TSHZ1: variants seen among roughly 807,000 people sequenced by gnomAD.
The protein encoded by TSHZ1 is teashirt zinc finger homeobox 1, also known as teashirt homolog 1.
Under a neutral mutation model 67.1 loss-of-function variants are expected in TSHZ1, and 12 were observed. The observed-to-expected ratio is 0.18, with a 90% CI of 0.11 to 0.29. The LOEUF (loss-of-function observed/expected upper bound fraction) is 0.29, where lower values mean the gene tolerates loss of function less well. Among genes scored for constraint, TSHZ1 ranks in the 10% least tolerant of loss-of-function variants. TSHZ1 has a pLI of 1.00. For synonymous variants in TSHZ1, 632 were observed against 622.4 expected (o/e 1.02, Z -0.23); for missense variants, 1,305 against 1,413.9 (o/e 0.92, Z 1.23).
intron 1 of TSHZ1, 24 bp downstream of exon 1, chr18:75,211,940 G>A (rs1364785658): frequency 7.5e-6 from 9 of 1,202,232 alleles, no homozygotes; most frequent in Non-Finnish European, 9.3e-6. Context: ...GGCCCGCGCC[G>A]CGGGGAGTGG....
At chr18:75,251,155 GA>G (rs1365965604) in intron 1 of TSHZ1, among the ~76,000 whole-genome samples, 1 of 152,086 alleles carries the variant, frequency 6.6e-6, no homozygotes, top group Non-Finnish European at 1.5e-5. Context: ...TTTTTAGTTT[GA>G]AATAAAATTA....
intron 1 of TSHZ1, among the ~76,000 whole-genome samples, chr18:75,240,365 C>T (rs62089812): frequency 6.7e-6 from 1 of 149,376 alleles, no homozygotes; most frequent in Non-Finnish European, 1.5e-5. Flanking sequence ...AGGCATTGCT[C>T]CTTTTTTTTT....
chr18:75,252,619 T>C (rs941725714), intron 1 of TSHZ1, among the ~76,000 whole-genome samples: 2 of 152,238 alleles, frequency 1.3e-5, no homozygotes, highest in East Asian at 3.8e-4. Flanking sequence ...TGGTATATGG[T>C]GTGGGAAGGG....
At chr18:75,225,303 A>G (rs1416209602) in intron 1 of TSHZ1, among the ~76,000 whole-genome samples, 1 of 152,238 alleles carries the variant, frequency 6.6e-6, no homozygotes, top group Non-Finnish European at 1.5e-5. Context: ...GAAAAATTAA[A>G]TATTTTGAAT....
chr18:75,264,113 A>G (rs1036463985), intron 1 of TSHZ1, among the ~76,000 whole-genome samples: 2 of 152,244 alleles, frequency 1.3e-5, no homozygotes, highest in Non-Finnish European at 2.9e-5. Context: ...ACTGCTTCAT[A>G]AGATCACATA....
chr18:75,253,155 A>G (rs2023324363), intron 1 of TSHZ1, among the ~76,000 whole-genome samples: 1 of 151,376 alleles, frequency 6.6e-6, no homozygotes, highest in South Asian at 2.1e-4. Context: ...TGTTTTTGTG[A>G]TTTTCTCCTT....
At position 75,288,757 on chromosome 18, in the gene TSHZ1, C is replaced by G; in HGVS notation, c.*116C>G. The G allele has an allele frequency of 6.8e-7, 1 of 1,470,016 alleles. No homozygotes were observed. The highest frequency in any genetic ancestry group is 9.0e-7 in the Non-Finnish European group (1 of 1,109,612). The allele number at this position is 1,470,016 out of a possible 1,614,324, so 91.1% of individuals were successfully genotyped here. ...TTTGTTGCTGGCCCGCCTCTCTGGA[C>G]CTTGGTTTTCTTACACATATTTTGT... is the stretch of plus-strand genomic sequence containing the variant. On this transcript the variant is annotated 3_prime_UTR_variant, in exon 2 of 2. Coordinates refer to ENST00000580243, the MANE Select transcript of TSHZ1 (RefSeq NM_001308210.2). The surrounding 1 kb of genome is among the most constrained non-coding windows in gnomAD (Gnocchi z 4.9).
At chr18:75,283,331 A>T (rs1416877125) in intron 1 of TSHZ1, 1 of 152,302 alleles carries the variant, frequency 6.6e-6, no homozygotes, top group Non-Finnish European at 1.5e-5. Flanking sequence ...GGGTCCTAGC[A>T]GTGAACCCTC....
Position 75,286,391 on chromosome 18 carries a change from A to G in TSHZ1, c.984A>G (p.Lys328=), listed in dbSNP as rs1156631745. ...SLQDLSVHMI[K]TKHYQKVPLK... is the part of the protein sequence containing the mutation. ...AGGACCTCAGCGTCCACATGATCAA[A>G]ACCAAGCATTACCAGAAAGTGCCTC... Residue 328 remains lysine (K), a synonymous_variant, in exon 2 of 2, where the codon AAA becomes AAG. Coordinates refer to ENST00000580243, the MANE Select transcript of TSHZ1 (RefSeq NM_001308210.2). This position sits in a 1 kb window ranked among gnomAD's most constrained non-coding sequence, Gnocchi z 5.1. 3 of 1,614,144 alleles carry G rather than the reference A, an allele frequency of 1.9e-6. No individual in the cohort carries two copies. In the South Asian group the frequency reaches 3.3e-5, roughly 18 times the overall value.
chr18:75,249,728 C>T (rs1035027183), intron 1 of TSHZ1, among the ~76,000 whole-genome samples: 17 of 150,536 alleles, frequency 1.1e-4, no homozygotes, highest in Admixed American at 1.1e-3. Context: ...GGTATGACTT[C>T]CTCCTCCTCA....
Position 75,210,897 on chromosome 18 carries a change from G to GGA in TSHZ1, c.-979_-978insAG, listed in dbSNP as rs1568348879. 1.6e-5 allele frequency: 1 copy of GGA among 63,740 alleles called. No individual in the cohort carries two copies. Among genetic ancestry groups the GGA allele is most frequent in the Non-Finnish European group, 3.6e-5 (1 of 27,964 alleles). The allele number at this position is 63,740 out of a possible 1,614,324, so 3.9% of individuals were successfully genotyped here. ...ATCTCCCTCTCTCCCAGGAGTTTGA[G>GGA]GGGGGGGGGGACAGTCCACGCTCAT... is the stretch of plus-strand genomic sequence containing the variant. On this transcript the variant is annotated 5_prime_UTR_variant, in exon 1 of 2. Coordinates refer to ENST00000580243, the MANE Select transcript of TSHZ1 (RefSeq NM_001308210.2).
At position 75,249,184 on chromosome 18, in the gene TSHZ1, C is replaced by T. The variant is rs193287773; in HGVS notation, c.41-36264C>T. On this transcript the variant is annotated intron_variant, in intron 1 of 1. Coordinates refer to ENST00000580243, the MANE Select transcript of TSHZ1 (RefSeq NM_001308210.2). ...GGCCACCCAGGCCCCACCTGCTACC[C>T]GGGCAGGCTGCTCAGACACACATCC... Among the ~76,000 whole-genome samples, 22 of 152,296 alleles carry T rather than the reference C, an allele frequency of 1.4e-4. No individual in the cohort carries two copies. In the East Asian group the frequency reaches 3.3e-3, roughly 23 times the overall value.
chr18:75,287,912 C>G lies in TSHZ1; in HGVS notation c.2505C>G (p.Ser835Arg). 1 of 1,614,186 alleles carries G rather than the reference C, an allele frequency of 6.2e-7. No homozygotes were observed. Among genetic ancestry groups the G allele is most frequent in the East Asian group, 2.2e-5 (1 of 44,884 alleles). The change falls in exon 2 of 2, where the codon AGC becomes AGG. Residue 835 changes from serine to arginine, a missense_variant. By Grantham distance (110) the Ser-to-Arg change is moderately radical. Around this residue, in one of 3 missense-constraint regions of TSHZ1, gnomAD observed 909 missense variants for 961.8 expected, o/e 0.95. Coordinates refer to ENST00000580243, the MANE Select transcript of TSHZ1 (RefSeq NM_001308210.2). The surrounding 1 kb of genome is among the most constrained non-coding windows in gnomAD (Gnocchi z 5.0). ...CGGTGGCATCACCTCTGCGGGAGAG[C>G]GCACTCATGGACATCTCCGACATGG... ...ADSVASPLRESALMDISDMVK... is the reference protein window; with the variant it reads ...ADSVASPLRERALMDISDMVK...
intron 1 of TSHZ1, among the ~76,000 whole-genome samples, chr18:75,237,093 A>G (rs1436595204): frequency 1.3e-5 from 2 of 152,134 alleles, no homozygotes; most frequent in African/African-American, 4.8e-5. Flanking sequence ...TTAGTGCCTC[A>G]GTTTCTTCAG....
At position 75,287,263 on chromosome 18, in the gene TSHZ1, C is replaced by T; in HGVS notation, c.1856C>T (p.Ala619Val). The T allele has an allele frequency of 8.1e-6, 13 of 1,614,000 alleles. No homozygotes were observed. The highest frequency in any genetic ancestry group is 1.1e-5 in the Non-Finnish European group (13 of 1,179,980). ...TCGCTGTCTTCCGCCGAGCACAACG[C>T]CCTCCTGCACTCCCCAGGGAGCCTC... Reference protein sequence around the residue: ...VKSLSSAEHNALLHSPGSLTP... With the variant: ...VKSLSSAEHNVLLHSPGSLTP... The change falls in exon 2 of 2, where the codon GCC (alanine) becomes GTC (valine). Residue 619 changes from alanine to valine, a missense_variant. Physicochemically the swap from Ala to Val is moderately conservative, Grantham distance 64. Around this residue, in one of 3 missense-constraint regions of TSHZ1, gnomAD observed 909 missense variants for 961.8 expected, o/e 0.95. Transcript: ENST00000580243. This position sits in a 1 kb window ranked among gnomAD's most constrained non-coding sequence, Gnocchi z 5.0.
intron 1 of TSHZ1, among the ~76,000 whole-genome samples, chr18:75,235,008 C>A (rs1300890668): frequency 6.6e-6 from 1 of 151,816 alleles, no homozygotes; most frequent in Non-Finnish European, 1.5e-5. Flanking sequence ...TTTTTTCTTC[C>A]AGTAGTAAAG....
At chr18:75,270,848 C>T (rs2023548017) in intron 1 of TSHZ1, among the ~76,000 whole-genome samples, 2 of 151,818 alleles carry the variant, frequency 1.3e-5, no homozygotes, top group African/African-American at 2.4e-5. Context: ...TTTCTTTCCC[C>T]GTCTGTTTTC....
At chr18:75,252,148 C>T (rs765989215) in intron 1 of TSHZ1, among the ~76,000 whole-genome samples, 26 of 152,170 alleles carry the variant, frequency 1.7e-4, no homozygotes, top group Admixed American at 7.2e-4. Context: ...TATAGTATCC[C>T]ATTTTGTTGT....
In TSHZ1 at chr18:75,286,848, T is replaced by A. The variant is rs2023774808; in HGVS notation, c.1441T>A (p.Ser481Thr). 1.2e-6 allele frequency: 2 copies of A among 1,613,992 alleles called. No individual in the cohort carries two copies. The highest frequency in any genetic ancestry group is 1.7e-6 in the Non-Finnish European group (2 of 1,179,996). Residue 481 changes from serine (S) to threonine (T), a missense_variant, in exon 2 of 2, where the codon TCC becomes ACC. Ser to Thr is a moderately conservative substitution (Grantham distance 58). Around this residue, in one of 3 missense-constraint regions of TSHZ1, gnomAD observed 909 missense variants for 961.8 expected, o/e 0.95. Transcript: ENST00000580243. This position sits in a 1 kb window ranked among gnomAD's most constrained non-coding sequence, Gnocchi z 5.1. ...CACCACCCACACGCGGCTGCCGGCCTCCAGCATCAAAAAGCAGCCCGACTC... is the reference window on the plus strand; with the variant it reads ...CACCACCCACACGCGGCTGCCGGCCACCAGCATCAAAAAGCAGCCCGACTC... ...PPTTHTRLPA[S>T]SIKKQPDSPA...
Sources: allele counts gnomAD v4.1 joint callset (sites outside exome capture counted in the v4.1 genomes callset), GRCh38; gene constraint gnomAD v4.1.1; regional missense constraint gnomAD v4.1.1; non-coding constraint Gnocchi (gnomAD v3.1); transcripts MANE v1.5; gene names NCBI Gene and HGNC (gene_info 2026-07-23, HGNC 2026-07-21).